TESK2: variants seen among roughly 807,000 people sequenced by gnomAD.
TESK2 encodes the protein dual specificity testis-specific protein kinase 2.
TESK2 carries 39 observed loss-of-function variants against 57.1 expected under a neutral mutation model. The observed-to-expected ratio is 0.68, with a 90% CI of 0.53 to 0.89. TESK2 has a LOEUF of 0.89. TESK2 is among the 40% of genes least tolerant of loss of function. The pLI is 0.00. For synonymous variants in TESK2, 249 were observed against 267.9 expected, an observed-to-expected ratio of 0.93 and a Z score of 0.69; for missense variants, 646 against 732.1, an observed-to-expected ratio of 0.88 and a Z score of 1.36.
At chr1:45,373,028 CAA>C (rs200182758) in intron 4 of TESK2, among the ~76,000 whole-genome samples, 4 of 61,036 alleles carry the variant, frequency 6.6e-5, no homozygotes, top group Admixed American at 1.8e-4. Flanking sequence ...ATCTCCGTCT[CAA>C]AAAAAAAAAA....
chr1:45,438,749 A>G lies in TESK2; in HGVS notation c.223-16903T>C, dbSNP rs550815544. 9.9e-5 allele frequency among the ~76,000 whole-genome samples: 15 copies of G among 152,238 alleles called. No individual in the cohort carries two copies. In the East Asian group the frequency reaches 2.5e-3, roughly 26 times the overall value. On this transcript the variant is annotated intron_variant, in intron 2 of 10. Coordinates refer to ENST00000372086, the MANE Select transcript of TESK2 (RefSeq NM_007170.3). ...CTCTATGTGTCCATGTGTTCTCACC[A>G]TTTAGCCCCCACTTATAAGTGAGAA...
chr1:45,434,559 T>A (rs1448384366), intron 2 of TESK2, among the ~76,000 whole-genome samples: 1 of 152,102 alleles, frequency 6.6e-6, no homozygotes, highest in African/African-American at 2.4e-5. Context: ...TGCATTTCCC[T>A]GATTAGCAAA....
intron 1 of TESK2, among the ~76,000 whole-genome samples, chr1:45,477,922 T>C (rs989384322): frequency 6.6e-6 from 1 of 152,248 alleles, no homozygotes; most frequent in African/African-American, 2.4e-5. Flanking sequence ...CTAGCTCTTG[T>C]AGTAATCTGA....
chr1:45,378,335 C>A (rs2149272236), intron 4 of TESK2, among the ~76,000 whole-genome samples: 1 of 152,306 alleles, frequency 6.6e-6, no homozygotes, highest in Admixed American at 6.5e-5. Context: ...GCCTTAGTGA[C>A]TTGCTTGACC....
chr1:45,446,168 C>T (rs1570739109), intron 2 of TESK2, among the ~76,000 whole-genome samples: 2 of 143,814 alleles, frequency 1.4e-5, no homozygotes, highest in Admixed American at 1.4e-4. Context: ...AAAAAACTTC[C>T]TTTTTTTTTT....
chr1:45,488,698 G>A (rs531433394), intron 1 of TESK2, among the ~76,000 whole-genome samples: 1 of 152,298 alleles, frequency 6.6e-6, no homozygotes, highest in Non-Finnish European at 1.5e-5. Context: ...TCTCAATAAA[G>A]ATGAGTTTCA....
chr1:45,475,894 G>A (rs1652971839), intron 1 of TESK2, among the ~76,000 whole-genome samples: 1 of 152,170 alleles, frequency 6.6e-6, no homozygotes, highest in Non-Finnish European at 1.5e-5. Context: ...TTCAGCTTTT[G>A]GACTCTTGGA....
chr1:45,477,031 G>C (rs1653024621), intron 1 of TESK2, among the ~76,000 whole-genome samples: 1 of 142,042 alleles, frequency 7.0e-6, no homozygotes, highest in African/African-American at 2.6e-5. Flanking sequence ...TGAATTCCTG[G>C]CCAACGTGGT....
intron 4 of TESK2, among the ~76,000 whole-genome samples, chr1:45,358,524 T>C (rs2149266298): frequency 6.6e-6 from 1 of 152,292 alleles, no homozygotes; most frequent in South Asian, 2.1e-4. Context: ...TAATAGCAGC[T>C]GTTATTTATA....
intron 2 of TESK2, among the ~76,000 whole-genome samples, chr1:45,433,325 C>T (rs371449726): frequency 3.2e-4 from 49 of 152,082 alleles, no homozygotes; most frequent in African/African-American, 1.2e-3. Context: ...GTGATCTGCC[C>T]TCCTTGGCCT....
intron 4 of TESK2, among the ~76,000 whole-genome samples, chr1:45,382,261 C>T (rs1268357195): frequency 3.3e-5 from 5 of 151,842 alleles, no homozygotes; most frequent in Non-Finnish European, 5.9e-5. Flanking sequence ...TTTTTTGAAA[C>T]AGGGTCTTGC....
chr1:45,467,140 T>C (rs1173409281), intron 1 of TESK2, among the ~76,000 whole-genome samples: 1 of 152,126 alleles, frequency 6.6e-6, no homozygotes, highest in African/African-American at 2.4e-5. Flanking sequence ...CGTGATGAAG[T>C]GGCCAAGTGG....
chr1:45,421,700 A>AT (rs1398501324), intron 3 of TESK2, 25 bp downstream of exon 3: 1 of 1,613,534 alleles, frequency 6.2e-7, no homozygotes, highest in Non-Finnish European at 8.5e-7. Context: ...TTTCTCATTG[A>AT]TCAGAAGGAA....
intron 3 of TESK2, among the ~76,000 whole-genome samples, chr1:45,393,181 C>A (rs1172842670): frequency 6.6e-6 from 1 of 152,128 alleles, no homozygotes. Flanking sequence ...TGCTTTTCTT[C>A]CTCCCAGGCC....
chr1:45,461,443 C>T (rs1369482021), intron 1 of TESK2, among the ~76,000 whole-genome samples: 1 of 152,130 alleles, frequency 6.6e-6, no homozygotes. Context: ...AAGTAACTTG[C>T]TAAGGATACA....
At chr1:45,357,459 G>C (rs934913496) in intron 4 of TESK2, among the ~76,000 whole-genome samples, 6 of 151,318 alleles carry the variant, frequency 4.0e-5, no homozygotes, top group Non-Finnish European at 8.8e-5. Flanking sequence ...GAAGTGAACA[G>C]AGGAAAGAGT....
intron 1 of TESK2, 45 bp from the exon 2 acceptor site, chr1:45,457,916 ATACATG>A (rs1277508205): frequency 1.5e-6 from 1 of 681,554 alleles, no homozygotes; most frequent in African/African-American, 1.8e-5. Context: ...TAATGAATAA[ATACATG>A]TAAAGCAATA....
At chr1:45,432,493 C>T (rs533275570) in intron 2 of TESK2, among the ~76,000 whole-genome samples, 2 of 151,406 alleles carry the variant, frequency 1.3e-5, no homozygotes, top group Non-Finnish European at 2.9e-5. Flanking sequence ...AGATCAAGAC[C>T]ATCCTGGCTA....
chr1:45,351,349 G>C (rs1354833953), intron 5 of TESK2, among the ~76,000 whole-genome samples: 2 of 152,246 alleles, frequency 1.3e-5, no homozygotes, highest in South Asian at 2.1e-4. Context: ...CACTGCAAAA[G>C]TCTGTTTCAG....
Sources: gnomAD v4.1 joint callset for allele counts (sites outside exome capture counted in the v4.1 genomes callset) on GRCh38, gnomAD v4.1.1 for gene constraint, MANE v1.5 for transcripts, NCBI Gene and HGNC (gene_info 2026-07-23, HGNC 2026-07-21) for gene names.